ITPR2: variants seen among roughly 807,000 people sequenced by gnomAD.
ITPR2 encodes the protein inositol 1,4,5-trisphosphate receptor type 2.
ITPR2 carries 207 observed loss-of-function variants against 317.1 expected under a neutral mutation model. The observed-to-expected ratio is 0.65, with a 90% CI of 0.58 to 0.73. The LOEUF (loss-of-function observed/expected upper bound fraction) is 0.73. Ranked by LOEUF, ITPR2 falls within the 30% of genes least tolerant of loss-of-function variation. ITPR2 has a pLI of 0.00. For missense variants in ITPR2, 2,613 were observed against 3,284.0 expected, an observed-to-expected ratio of 0.80 and a Z score of 4.99; for synonymous variants, 1,156 against 1,149.1, an observed-to-expected ratio of 1.01 and a Z score of -0.12.
intron 45 of ITPR2, among the ~76,000 whole-genome samples, chr12:26,448,522 G>C (rs1320399112): frequency 2.0e-5 from 3 of 152,046 alleles, no homozygotes; most frequent in Non-Finnish European, 4.4e-5. Context: ...CACTTATTAG[G>C]TCATTATTGC....
intron 36 of ITPR2, among the ~76,000 whole-genome samples, chr12:26,551,278 G>T (rs1162192842): frequency 6.6e-6 from 1 of 152,176 alleles, no homozygotes; most frequent in Non-Finnish European, 1.5e-5. Flanking sequence ...AGGGTCAAGT[G>T]TAAGGGCTTC....
intron 10 of ITPR2, among the ~76,000 whole-genome samples, chr12:26,687,382 C>A (rs1290047134): frequency 6.6e-6 from 1 of 152,072 alleles, no homozygotes; most frequent in Non-Finnish European, 1.5e-5. Flanking sequence ...AAAATAGTGA[C>A]TTACACATAT....
intron 55 of ITPR2, among the ~76,000 whole-genome samples, chr12:26,351,365 G>C (rs1938479609): frequency 6.6e-6 from 1 of 152,212 alleles, no homozygotes; most frequent in African/African-American, 2.4e-5. Flanking sequence ...AAATGATGGG[G>C]AAGCTGGTCT....
In ITPR2 at chr12:26,785,590, G is replaced by A. The variant is rs1378720695; in HGVS notation, c.163+4567C>T. On this transcript the variant is annotated intron_variant, in intron 2 of 56. Coordinates refer to ENST00000381340, the MANE Select transcript of ITPR2 (RefSeq NM_002223.4). ...AGCCCCCCGCCCGGCCAGCCGCCCCGTCCGGGAGGGAGGTGGGGGGGTCAG... is the reference window on the plus strand; with the variant it reads ...AGCCCCCCGCCCGGCCAGCCGCCCCATCCGGGAGGGAGGTGGGGGGGTCAG... Among the ~76,000 whole-genome samples the A allele has an allele frequency of 1.0e-3, 31 of 29,710 alleles. 1 individual carries two copies. The highest frequency in any genetic ancestry group is 2.2e-3 in the African/African-American group (25 of 11,154). The allele number at this position is 29,710 out of a possible 152,430, so 19.5% of individuals were successfully genotyped here.
At chr12:26,726,841 A>G (rs1455055005) in intron 2 of ITPR2, among the ~76,000 whole-genome samples, 3 of 152,212 alleles carry the variant, frequency 2.0e-5, no homozygotes, top group African/African-American at 4.8e-5. Flanking sequence ...ATCAAGAAAT[A>G]TGGCTGTAAA....
intron 1 of ITPR2, among the ~76,000 whole-genome samples, chr12:26,822,845 A>G (rs1382770093): frequency 6.6e-6 from 1 of 152,216 alleles, no homozygotes; most frequent in Non-Finnish European, 1.5e-5. Context: ...CTTATGGAAA[A>G]TAAGCATAAA....
chr12:26,452,226 C>A (rs923319435), intron 45 of ITPR2, among the ~76,000 whole-genome samples: 1 of 151,864 alleles, frequency 6.6e-6, no homozygotes, highest in Non-Finnish European at 1.5e-5. Context: ...AATTTGGATT[C>A]CCTTCTGAAA....
At chr12:26,446,018 A>G (rs967601324) in intron 45 of ITPR2, among the ~76,000 whole-genome samples, 1 of 152,074 alleles carries the variant, frequency 6.6e-6, no homozygotes, top group African/African-American at 2.4e-5. Flanking sequence ...GACAGCAGGG[A>G]ATATGGGCAC....
chr12:26,814,896 CATG>C (rs1950823473), intron 1 of ITPR2, among the ~76,000 whole-genome samples: 1 of 152,186 alleles, frequency 6.6e-6, no homozygotes, highest in Admixed American at 6.5e-5. Context: ...ACAAGAGAAG[CATG>C]ATAATTTGAT....
intron 42 of ITPR2, among the ~76,000 whole-genome samples, chr12:26,482,219 T>C (rs1340153301): frequency 6.6e-6 from 1 of 152,252 alleles, no homozygotes; most frequent in African/African-American, 2.4e-5. Flanking sequence ...CTTCTGCTCA[T>C]TAAAATATTT....
At chr12:26,832,146 CA>C (rs1951121887) in intron 1 of ITPR2, among the ~76,000 whole-genome samples, 2 of 152,032 alleles carry the variant, frequency 1.3e-5, no homozygotes, top group East Asian at 3.9e-4. Context: ...TCGGCAAGGC[CA>C]AAAGGAAACT....
chr12:26,401,712 GT>G (rs1940182591), intron 52 of ITPR2, among the ~76,000 whole-genome samples: 1 of 152,200 alleles, frequency 6.6e-6, no homozygotes, highest in African/African-American at 2.4e-5. Flanking sequence ...GAACAATTCA[GT>G]CCAACTTTAT....
chr12:26,715,603 AAATTCAGTAAAACACTT>A (rs2137031260), intron 7 of ITPR2, 132 bp downstream of exon 7: 1 of 792,050 alleles, frequency 1.3e-6, no homozygotes, highest in South Asian at 1.9e-5. Flanking sequence ...TGTGGGGGGG[AAATTCAGTAAAACACTT>A]AGAGTAAGTA....
chr12:26,581,817 TA>T (rs1945411527), intron 32 of ITPR2, among the ~76,000 whole-genome samples: 1 of 152,170 alleles, frequency 6.6e-6, no homozygotes, highest in Non-Finnish European at 1.5e-5. Context: ...GTTAAAAATA[TA>T]ATAAAGTTGA....
At chr12:26,543,395 G>A (rs1944311889) in intron 37 of ITPR2, among the ~76,000 whole-genome samples, 1 of 149,906 alleles carries the variant, frequency 6.7e-6, no homozygotes, top group Non-Finnish European at 1.5e-5. Context: ...GACAGGGGAA[G>A]AGAGAGAGAG....
chr12:26,737,581 G>A (rs1257167596), intron 2 of ITPR2, among the ~76,000 whole-genome samples: 1 of 152,086 alleles, frequency 6.6e-6, no homozygotes, highest in Non-Finnish European at 1.5e-5. Flanking sequence ...GGAAACTGTG[G>A]TGGAGGTGAC....
At position 26,832,940 on chromosome 12, in the gene ITPR2, C is replaced by T; in HGVS notation, c.-159G>A. Reference sequence around the variant, plus strand: ...GCCCGAGCCACTGAGCGTCGCGGCTCAGCCGTGCGTGCGCGCCGGGGAAGC... The same window carrying T: ...GCCCGAGCCACTGAGCGTCGCGGCTTAGCCGTGCGTGCGCGCCGGGGAAGC... On this transcript the variant is annotated 5_prime_UTR_variant, in exon 1 of 57. Transcript: ENST00000381340. The T allele has an allele frequency of 1.7e-6, 1 of 600,616 alleles. No individual in the cohort carries two copies. The highest frequency in any genetic ancestry group is 1.9e-5 in the South Asian group (1 of 51,850). The allele number at this position is 600,616 out of a possible 1,614,324, so 37.2% of individuals were successfully genotyped here. A position where few individuals can be genotyped will look rare whatever the true frequency, so the allele number is the denominator to read the frequency against.
intron 37 of ITPR2, among the ~76,000 whole-genome samples, chr12:26,542,039 T>C (rs559401231): frequency 1.1e-4 from 16 of 152,364 alleles, no homozygotes; most frequent in African/African-American, 3.8e-4. Context: ...ACCTGGGCAT[T>C]TGTAAAGATC....
intron 43 of ITPR2, among the ~76,000 whole-genome samples, chr12:26,480,495 T>A (rs189961719): frequency 2.0e-5 from 3 of 152,202 alleles, no homozygotes; most frequent in African/African-American, 7.2e-5. Context: ...GTAGTCAATG[T>A]GTTTTAAAAA....
Sources: allele counts gnomAD v4.1 joint callset (sites outside exome capture counted in the v4.1 genomes callset), GRCh38; gene constraint gnomAD v4.1.1; transcripts MANE v1.5; gene names NCBI Gene and HGNC (gene_info 2026-07-23, HGNC 2026-07-21).